The following KCNH7 variants were observed in gnomAD, a reference collection of about 807,000 sequenced individuals.
KCNH7 encodes voltage-gated inwardly rectifying potassium channel KCNH7.
In KCNH7, 49 loss-of-function variants were observed where a neutral mutation model predicts 120.8. The observed-to-expected ratio is 0.41, with a 90% CI of 0.32 to 0.51. The LOEUF (loss-of-function observed/expected upper bound fraction) is 0.51. Among genes scored for constraint, KCNH7 ranks in the 20% least tolerant of loss-of-function variants. The pLI is 0.38. For missense variants in KCNH7, 1,097 were observed against 1,446.6 expected (o/e 0.76, Z 3.92); for synonymous variants, 547 against 516.1 (o/e 1.06, Z -0.81).
chr2:162,538,042 G>A (rs894283619), intron 2 of KCNH7: 1 of 151,994 alleles, frequency 6.6e-6, no homozygotes, highest in Non-Finnish European at 1.5e-5. Context: ...ATTTGTTTCT[G>A]TTCCAGCTAT....
chr2:162,627,941 G>C lies in KCNH7; in HGVS notation c.308-90861C>G, dbSNP rs137923104. On this transcript the variant is annotated intron_variant, in intron 2 of 15. Coordinates refer to ENST00000332142, the MANE Select transcript of KCNH7 (RefSeq NM_033272.4). ...ATTATTGACTATAAAATTTAAGAAA[G>C]TTTTGTCTTTGTTGCCCCTACTGAA... is the stretch of plus-strand genomic sequence containing the variant. 4.8e-4 allele frequency among the ~76,000 whole-genome samples: 73 copies of C among 152,156 alleles called. 1 individual carries two copies. In the East Asian group the frequency reaches 0.013, roughly 28 times the overall value.
At chr2:162,727,457 C>T (rs1028197886) in intron 2 of KCNH7, among the ~76,000 whole-genome samples, 3 of 152,044 alleles carry the variant, frequency 2.0e-5, no homozygotes, top group Non-Finnish European at 4.4e-5. Context: ...CATGCAATTT[C>T]CCTTACATCT....
At chr2:162,772,500 G>T (rs182610329) in intron 2 of KCNH7, among the ~76,000 whole-genome samples, 1 of 150,922 alleles carries the variant, frequency 6.6e-6, no homozygotes, top group Admixed American at 6.6e-5. Context: ...AATTAATTCA[G>T]TATTGTACAT....
chr2:162,631,362 G>A (rs553434474), intron 2 of KCNH7, among the ~76,000 whole-genome samples: 1 of 151,908 alleles, frequency 6.6e-6, no homozygotes, highest in African/African-American at 2.4e-5. Flanking sequence ...TTTTTGATTA[G>A]AGCAGATCTC....
chr2:162,749,495 A>T (rs1014494398), intron 2 of KCNH7, among the ~76,000 whole-genome samples: 3 of 152,322 alleles, frequency 2.0e-5, no homozygotes, highest in African/African-American at 7.2e-5. Context: ...AAAATAATAC[A>T]TAAGTAAATT....
At chr2:162,688,723 G>T (rs905045064) in intron 2 of KCNH7, among the ~76,000 whole-genome samples, 4 of 148,072 alleles carry the variant, frequency 2.7e-5, no homozygotes, top group Admixed American at 2.7e-4. Context: ...AACCTCTCCT[G>T]CCCCCATTCT....
At chr2:162,724,781 A>G (rs78205104) in intron 2 of KCNH7, among the ~76,000 whole-genome samples, 3,048 of 152,190 alleles carry the variant, frequency 0.02, 105 homozygotes, top group African/African-American at 0.069. Flanking sequence ...TTTTCAAACC[A>G]TGGTTGACTA....
intron 2 of KCNH7, among the ~76,000 whole-genome samples, chr2:162,551,063 C>T (rs1346127161): frequency 2.0e-5 from 3 of 152,032 alleles, no homozygotes; most frequent in African/African-American, 7.2e-5. Context: ...AGACTTAGTT[C>T]TGTGTGGTGG....
Position 162,810,175 on chromosome 2 carries a change from A to G in KCNH7, c.307+26362T>C, listed in dbSNP as rs1279345754. Among the ~76,000 whole-genome samples, 2 of 20,314 alleles carry G rather than the reference A, an allele frequency of 9.8e-5. 1 individual carries two copies. Among genetic ancestry groups the G allele is most frequent in the Non-Finnish European group, 2.8e-4 (2 of 7,058 alleles). The allele number at this position is 20,314 out of a possible 152,430, so 13.3% of individuals were successfully genotyped here. On this transcript the variant is annotated intron_variant, in intron 2 of 15. Coordinates refer to ENST00000332142, the MANE Select transcript of KCNH7 (RefSeq NM_033272.4). ...CGTGATCCGCCCGCCTCGGCCTCCC[A>G]AAGTGCTGGGATTACAGGCGTGAGC...
intron 15 of KCNH7, 106 bp downstream of exon 15, chr2:162,373,363 AG>A: frequency 1.4e-6 from 1 of 694,672 alleles, no homozygotes; most frequent in Non-Finnish European, 2.2e-6. Context: ...AAACAGAGAT[AG>A]GGACAGAAAT....
At chr2:162,778,733 T>C (rs1683354057) in intron 2 of KCNH7, among the ~76,000 whole-genome samples, 1 of 152,218 alleles carries the variant, frequency 6.6e-6, no homozygotes, top group South Asian at 2.1e-4. Flanking sequence ...ATGGGTGTGA[T>C]TCACATTTAC....
chr2:162,604,107 C>G (rs750208115), intron 2 of KCNH7, among the ~76,000 whole-genome samples: 1 of 151,964 alleles, frequency 6.6e-6, no homozygotes, highest in Non-Finnish European at 1.5e-5. Context: ...CTGTTTTATA[C>G]TAGGAATTCT....
chr2:162,621,001 T>C (rs1683334284), intron 2 of KCNH7, among the ~76,000 whole-genome samples: 1 of 151,990 alleles, frequency 6.6e-6, no homozygotes, highest in Admixed American at 6.6e-5. Flanking sequence ...ACTGTAAACA[T>C]AAATAACCCA....
chr2:162,488,503 A>G (rs1690181271), intron 6 of KCNH7, among the ~76,000 whole-genome samples: 1 of 152,194 alleles, frequency 6.6e-6, no homozygotes, highest in Non-Finnish European at 1.5e-5. Flanking sequence ...TTATCTGGGG[A>G]AAATTAGAAG....
chr2:162,415,460 T>A (rs1169081474), intron 9 of KCNH7, among the ~76,000 whole-genome samples: 4 of 152,144 alleles, frequency 2.6e-5, no homozygotes, highest in Non-Finnish European at 5.9e-5. Context: ...TATATTAGGG[T>A]GTTGTCTGTA....
chr2:162,821,029 G>T (rs1398352502), intron 2 of KCNH7, among the ~76,000 whole-genome samples: 1 of 152,130 alleles, frequency 6.6e-6, no homozygotes, highest in Non-Finnish European at 1.5e-5. Context: ...AGACAACAAA[G>T]GTTACACACA....
chr2:162,796,240 A>C (rs1684141488), intron 2 of KCNH7: 2 of 152,008 alleles, frequency 1.3e-5, no homozygotes, highest in Non-Finnish European at 2.9e-5. Flanking sequence ...CATTTTTCTT[A>C]TCTGTAAAAT....
chr2:162,449,167 G>C (rs1468579952), intron 6 of KCNH7, among the ~76,000 whole-genome samples: 1 of 151,944 alleles, frequency 6.6e-6, no homozygotes, highest in Non-Finnish European at 1.5e-5. Flanking sequence ...GGTAGAGGAC[G>C]GCCATGGAGA....
intron 14 of KCNH7, among the ~76,000 whole-genome samples, chr2:162,374,728 TTTGATA>T (rs1415533260): frequency 2.0e-5 from 3 of 152,166 alleles, no homozygotes; most frequent in Admixed American, 6.5e-5. Context: ...TTTTTTAGTT[TTTGATA>T]TTAACACTCC....
Sources: allele counts gnomAD v4.1 joint callset (sites outside exome capture counted in the v4.1 genomes callset), GRCh38; gene constraint gnomAD v4.1.1; transcripts MANE v1.5; gene names NCBI Gene and HGNC (gene_info 2026-07-23, HGNC 2026-07-21).